Variants in PHACTR1 observed in about 807,000 individuals in gnomAD.
The protein encoded by PHACTR1 is RPEL repeat containing 1.
PHACTR1 carries 16 observed loss-of-function variants against 69.2 expected under a neutral mutation model. The ratio of observed to expected loss-of-function variants is 0.23; its 90% confidence interval spans 0.16 to 0.35. The LOEUF (loss-of-function observed/expected upper bound fraction) is 0.35, where lower values mean the gene tolerates loss of function less well. PHACTR1 is among the 10% of genes least tolerant of loss of function. The pLI, the probability that PHACTR1 is intolerant of heterozygous loss-of-function variation, is 1.00. For missense variants in PHACTR1, 510 were observed against 734.7 expected (o/e 0.69, Z 3.54); for synonymous variants, 312 against 284.5 (o/e 1.10, Z -0.97).
At chr6:13,218,836 G>A (rs1045924089) in intron 8 of PHACTR1, among the ~76,000 whole-genome samples, 1 of 148,014 alleles carries the variant, frequency 6.8e-6, no homozygotes, top group African/African-American at 2.5e-5. Context: ...GAGAAAAAGA[G>A]GAGGAGGAGG....
chr6:13,180,516 T>A (rs138085642), intron 6 of PHACTR1, among the ~76,000 whole-genome samples: 4 of 152,332 alleles, frequency 2.6e-5, no homozygotes, highest in African/African-American at 7.2e-5. Flanking sequence ...TCTATGGTAC[T>A]CTTAACTGTT....
At chr6:12,821,492 A>C (rs1043673843) in intron 4 of PHACTR1, among the ~76,000 whole-genome samples, 34 of 145,520 alleles carry the variant, frequency 2.3e-4, no homozygotes, top group African/African-American at 7.8e-4. Context: ...AAAGAGAGAG[A>C]GAGAGAGAGA....
intron 4 of PHACTR1, among the ~76,000 whole-genome samples, chr6:12,825,391 C>G (rs1776687480): frequency 6.6e-6 from 1 of 151,408 alleles, no homozygotes; most frequent in Admixed American, 6.6e-5. Context: ...CTTACTATTT[C>G]TTTTATTTTT....
chr6:13,210,343 C>T (rs1461967277), intron 8 of PHACTR1, among the ~76,000 whole-genome samples: 1 of 152,166 alleles, frequency 6.6e-6, no homozygotes, highest in Non-Finnish European at 1.5e-5. Flanking sequence ...ACTACCTTGC[C>T]TAAGCCTGCT....
At chr6:13,244,779 T>C (rs1184186033) in intron 10 of PHACTR1, among the ~76,000 whole-genome samples, 1 of 152,228 alleles carries the variant, frequency 6.6e-6, no homozygotes, top group African/African-American at 2.4e-5. Flanking sequence ...ACACATGCTG[T>C]ACAATTTGTG....
chr6:13,183,611 C>T (rs1402655830), intron 7 of PHACTR1, among the ~76,000 whole-genome samples: 1 of 152,074 alleles, frequency 6.6e-6, no homozygotes, highest in African/African-American at 2.4e-5. Context: ...CTGCACAGAA[C>T]ACCTGATCAG....
intron 4 of PHACTR1, among the ~76,000 whole-genome samples, chr6:12,988,757 A>T (rs192800770): frequency 5.4e-4 from 82 of 152,326 alleles, no homozygotes; most frequent in Middle Eastern, 6.8e-3. Context: ...CACCACCCTT[A>T]TATGTAGAAC....
intron 4 of PHACTR1, among the ~76,000 whole-genome samples, chr6:12,758,253 A>C (rs1767592122): frequency 6.6e-6 from 1 of 151,400 alleles, no homozygotes; most frequent in African/African-American, 2.4e-5. Context: ...GACCAGCCTG[A>C]CCAACATGGT....
At chr6:12,781,306 G>GT (rs1770788767) in intron 4 of PHACTR1, among the ~76,000 whole-genome samples, 1 of 152,100 alleles carries the variant, frequency 6.6e-6, no homozygotes, top group South Asian at 2.1e-4. Flanking sequence ...ACAGAATCCA[G>GT]ACAACTTGTG....
chr6:12,904,668 A>G (rs1180186153), intron 4 of PHACTR1, among the ~76,000 whole-genome samples: 1 of 152,134 alleles, frequency 6.6e-6, no homozygotes, highest in Non-Finnish European at 1.5e-5. Flanking sequence ...GGAAGGATAA[A>G]TGACTCTTTA....
intron 5 of PHACTR1, among the ~76,000 whole-genome samples, chr6:13,106,098 T>C (rs1331221995): frequency 1.3e-5 from 2 of 152,218 alleles, no homozygotes; most frequent in African/African-American, 4.8e-5. Flanking sequence ...AAGTAGGATA[T>C]GATTGCTGTA....
At chr6:12,726,372 T>G (rs1188668623) in intron 3 of PHACTR1, among the ~76,000 whole-genome samples, 1 of 152,200 alleles carries the variant, frequency 6.6e-6, no homozygotes, top group Non-Finnish European at 1.5e-5. Flanking sequence ...AAAGCTGCTC[T>G]GAACATGTCC....
intron 5 of PHACTR1, among the ~76,000 whole-genome samples, chr6:13,131,324 T>C (rs1427453599): frequency 6.6e-6 from 1 of 152,058 alleles, no homozygotes; most frequent in Non-Finnish European, 1.5e-5. Flanking sequence ...GAGACCATTA[T>C]TCTAAGTGAA....
intron 4 of PHACTR1, among the ~76,000 whole-genome samples, chr6:12,781,298 A>G (rs1375522862): frequency 6.6e-6 from 1 of 152,152 alleles, no homozygotes; most frequent in East Asian, 1.9e-4. Context: ...TTTACAGTAC[A>G]GAATCCAGAC....
At position 12,979,848 on chromosome 6, in the gene PHACTR1, T is replaced by G. The variant is rs1268040268; in HGVS notation, c.251-73517T>G. 2.6e-5 allele frequency among the ~76,000 whole-genome samples: 4 copies of G among 152,182 alleles called. No homozygotes were observed. In the East Asian group the frequency reaches 7.7e-4, roughly 29 times the overall value. The stretch of plus-strand genomic sequence containing the variant: ...ACAAAATCAAACGCTAAAAGGTTGT[T>G]TCATCCTTTCGTTGTTGAATACCTG... On this transcript the variant is annotated intron_variant, in intron 4 of 14. Coordinates refer to ENST00000332995, the MANE Select transcript of PHACTR1 (RefSeq NM_030948.6).
At chr6:12,938,910 A>G (rs1239531800) in intron 4 of PHACTR1, among the ~76,000 whole-genome samples, 1 of 152,068 alleles carries the variant, frequency 6.6e-6, no homozygotes, top group African/African-American at 2.4e-5. Context: ...TTAATCACTG[A>G]GTAGTGTTTC....
intron 4 of PHACTR1, among the ~76,000 whole-genome samples, chr6:13,030,296 A>G (rs1005236044): frequency 2.0e-5 from 3 of 152,214 alleles, no homozygotes; most frequent in South Asian, 4.1e-4. Flanking sequence ...GTTCCTACCA[A>G]TGAGGATTGT....
At chr6:13,026,558 A>G (rs1801725749) in intron 4 of PHACTR1, among the ~76,000 whole-genome samples, 1 of 152,026 alleles carries the variant, frequency 6.6e-6, no homozygotes, top group Non-Finnish European at 1.5e-5. Context: ...GCTTGTAGAG[A>G]GGGAGGAAGG....
intron 4 of PHACTR1, among the ~76,000 whole-genome samples, chr6:12,935,406 G>A (rs966116633): frequency 2.6e-5 from 4 of 151,968 alleles, no homozygotes; most frequent in African/African-American, 9.7e-5. Context: ...ACCACACCCA[G>A]CTAATTTTTG....
Sources: allele counts gnomAD v4.1 joint callset (sites outside exome capture counted in the v4.1 genomes callset), GRCh38; gene constraint gnomAD v4.1.1; transcripts MANE v1.5; gene names NCBI Gene and HGNC (gene_info 2026-07-23, HGNC 2026-07-21).